Variants in NRG1 observed in about 807,000 individuals in gnomAD.
NRG1 encodes the protein pro-neuregulin-1, membrane-bound isoform.
Under a neutral mutation model 63.8 loss-of-function variants are expected in NRG1, and 18 were observed. That is an observed-to-expected ratio of 0.28 (90% CI 0.19 to 0.42). The LOEUF (loss-of-function observed/expected upper bound fraction) is 0.42. NRG1 is among the 10% of genes least tolerant of loss of function. NRG1 has a pLI of 1.00. For synonymous variants in NRG1, 302 were observed against 301.3 expected (o/e 1.00, Z -0.02); for missense variants, 762 against 814.7 (o/e 0.94, Z 0.79).
At chr8:31,709,187 T>A (rs1175262313) in intron 1 of NRG1, among the ~76,000 whole-genome samples, 1 of 147,264 alleles carries the variant, frequency 6.8e-6, no homozygotes, top group Non-Finnish European at 1.5e-5. Flanking sequence ...AAATGATTTA[T>A]TTTTTTTTAA....
At chr8:31,852,093 G>T (rs1395903252) in intron 1 of NRG1, among the ~76,000 whole-genome samples, 1 of 151,742 alleles carries the variant, frequency 6.6e-6, no homozygotes, top group Non-Finnish European at 1.5e-5. Context: ...CTTTATAGCA[G>T]CATGATTTAC....
At chr8:32,358,959 G>C (rs1014265022) in intron 1 of NRG1, among the ~76,000 whole-genome samples, 1 of 152,138 alleles carries the variant, frequency 6.6e-6, no homozygotes, top group Non-Finnish European at 1.5e-5. Context: ...GCAGGGGTGA[G>C]GTAGGGTTTG....
At chr8:31,840,279 C>T (rs1028334475) in intron 1 of NRG1, among the ~76,000 whole-genome samples, 5 of 151,136 alleles carry the variant, frequency 3.3e-5, no homozygotes, top group African/African-American at 9.7e-5. Context: ...GGAGATGGCC[C>T]GAGTGCAGGC....
chr8:31,780,027 C>G (rs975407632), intron 1 of NRG1, among the ~76,000 whole-genome samples: 12 of 152,200 alleles, frequency 7.9e-5, no homozygotes, highest in African/African-American at 2.9e-4. Context: ...ACCTGAGGCT[C>G]TCTGATACCC....
chr8:31,714,394 A>G (rs1309025162), intron 1 of NRG1, among the ~76,000 whole-genome samples: 2 of 152,112 alleles, frequency 1.3e-5, no homozygotes, highest in African/African-American at 4.8e-5. Context: ...TAGGCTATAA[A>G]ATTAGCCAGG....
At chr8:31,869,804 T>G (rs1342556608) in intron 1 of NRG1, among the ~76,000 whole-genome samples, 1 of 152,224 alleles carries the variant, frequency 6.6e-6, no homozygotes, top group African/African-American at 2.4e-5. Context: ...CAGGGCAGGT[T>G]TGAAATCTAA....
At chr8:31,934,710 C>CT (rs1237186903) in intron 1 of NRG1, among the ~76,000 whole-genome samples, 1 of 151,988 alleles carries the variant, frequency 6.6e-6, no homozygotes. Flanking sequence ...TTTAATGAAA[C>CT]TTTTTTTGTG....
At chr8:31,836,022 T>C (rs1030660115) in intron 1 of NRG1, among the ~76,000 whole-genome samples, 1 of 152,154 alleles carries the variant, frequency 6.6e-6, no homozygotes, top group Non-Finnish European at 1.5e-5. Flanking sequence ...GCTACCTTAT[T>C]GGACAGCAGA....
chr8:32,146,290 G>A (rs1836864037), intron 1 of NRG1, among the ~76,000 whole-genome samples: 1 of 152,092 alleles, frequency 6.6e-6, no homozygotes, highest in South Asian at 2.1e-4. Flanking sequence ...ATGTTTAATT[G>A]GAACTTAAGA....
chr8:31,661,601 A>G (rs1213218103), intron 1 of NRG1, among the ~76,000 whole-genome samples: 1 of 152,224 alleles, frequency 6.6e-6, no homozygotes, highest in African/African-American at 2.4e-5. Context: ...AATGAAGCAA[A>G]TGCACTCTAA....
intron 1 of NRG1, among the ~76,000 whole-genome samples, chr8:31,798,294 A>AT (rs1420533459): frequency 6.6e-6 from 1 of 152,216 alleles, no homozygotes. Context: ...TATGCATTAC[A>AT]TACATGTATT....
intron 1 of NRG1, among the ~76,000 whole-genome samples, chr8:32,286,255 A>C (rs1048074205): frequency 1.3e-5 from 2 of 152,162 alleles, no homozygotes; most frequent in African/African-American, 4.8e-5. Flanking sequence ...GTAGTTGTTC[A>C]CAAACCTGTG....
chr8:32,385,219 G>A (rs1162662604), intron 1 of NRG1, among the ~76,000 whole-genome samples: 1 of 152,046 alleles, frequency 6.6e-6, no homozygotes, highest in East Asian at 1.9e-4. Context: ...GTAGAGACAG[G>A]GTTTCACCAT....
At chr8:32,434,241 T>G (rs56182018) in intron 1 of NRG1, among the ~76,000 whole-genome samples, 3,326 of 151,924 alleles carry the variant, frequency 0.022, 123 homozygotes, top group African/African-American at 0.076. Flanking sequence ...AAGTTTTAAC[T>G]ATTGAAAAAC....
At chr8:31,897,997 A>C (rs1831727131) in intron 1 of NRG1, among the ~76,000 whole-genome samples, 1 of 143,488 alleles carries the variant, frequency 7.0e-6, no homozygotes, top group South Asian at 2.4e-4. Flanking sequence ...AGCCTGGGTG[A>C]CAAGAGTGAA....
chr8:32,153,926 A>T (rs1388423122), intron 1 of NRG1, among the ~76,000 whole-genome samples: 2 of 152,196 alleles, frequency 1.3e-5, no homozygotes, highest in Non-Finnish European at 2.9e-5. Flanking sequence ...CTGACTATTG[A>T]GCTTCCCGAT....
chr8:31,648,196 C>T (rs1318884870), intron 1 of NRG1, among the ~76,000 whole-genome samples: 1 of 129,460 alleles, frequency 7.7e-6, no homozygotes, highest in South Asian at 2.5e-4. Context: ...TGCTGTGGCG[C>T]GATCTCGACT....
chr8:31,710,458 C>G (rs1276240924), intron 1 of NRG1, among the ~76,000 whole-genome samples: 1 of 151,880 alleles, frequency 6.6e-6, no homozygotes, highest in African/African-American at 2.4e-5. Flanking sequence ...ATTCTCATAG[C>G]TTGAGAGAAG....
At chr8:32,647,380 G>A (rs1853833951) in intron 5 of NRG1, 1 of 985,210 alleles carries the variant, frequency 1.0e-6, no homozygotes, top group African/African-American at 1.7e-5. Context: ...TTGGGCTACT[G>A]GTTTACTTAA....
Sources: allele counts gnomAD v4.1 joint callset (sites outside exome capture counted in the v4.1 genomes callset), GRCh38; gene constraint gnomAD v4.1.1; transcripts MANE v1.5; gene names NCBI Gene and HGNC (gene_info 2026-07-23, HGNC 2026-07-21).